Variants in CCDC144A observed in about 807,000 individuals in gnomAD.
CCDC144A encodes the protein coiled-coil domain-containing protein 144A.
A neutral mutation model predicts 143.8 loss-of-function variants in CCDC144A; 41 were observed. That is an observed-to-expected ratio of 0.29 (90% CI 0.22 to 0.37). The LOEUF is 0.37. Ranked by LOEUF, CCDC144A falls within the 10% of genes least tolerant of loss-of-function variation. The pLI, the probability that CCDC144A is intolerant of heterozygous loss-of-function variation, is 1.00. For missense variants in CCDC144A, 637 were observed against 1,488.8 expected (o/e 0.43, Z 9.41); for synonymous variants, 242 against 517.9 (o/e 0.47, Z 7.23).
intron 5 of CCDC144A, among the ~76,000 whole-genome samples, chr17:16,709,843 C>G (rs957420404): frequency 2.0e-5 from 3 of 152,214 alleles, no homozygotes; most frequent in Non-Finnish European, 2.9e-5. Flanking sequence ...GTCTCTCTGT[C>G]AGTCTTCCAA....
intron 14 of CCDC144A, among the ~76,000 whole-genome samples, chr17:16,763,506 ATATTTAAGG>A (rs1325690985): frequency 6.7e-6 from 1 of 149,086 alleles, no homozygotes; most frequent in Non-Finnish European, 1.5e-5. Flanking sequence ...TTTCTTGTAT[ATATTTAAGG>A]AGTACAACTT....
rs1164881906 is a variant in CCDC144A, at chr17:16,777,064, T to TA, written c.*3432dup. The stretch of plus-strand genomic sequence containing the variant: ...AAAAGCGAGCAGGAGTAGCTGTTCT[T>TA]ATATCAGACAAAACGGACTTTAAGA... On this transcript the variant is annotated 3_prime_UTR_variant, in exon 17 of 17. Coordinates refer to ENST00000399273, the MANE Select transcript of CCDC144A (RefSeq NM_001382000.1). 7.1e-6 allele frequency: 1 copy of TA among 140,264 alleles called. No individual in the cohort carries two copies. The highest frequency in any genetic ancestry group is 1.5e-5 in the Non-Finnish European group (1 of 65,734). The allele number at this position is 140,264 out of a possible 1,614,324, so 8.7% of individuals were successfully genotyped here.
At chr17:16,715,747 C>T (rs1275402442) in intron 6 of CCDC144A, among the ~76,000 whole-genome samples, 1 of 152,146 alleles carries the variant, frequency 6.6e-6, no homozygotes, top group Non-Finnish European at 1.5e-5. Context: ...CATAGGGTTG[C>T]GGGAGGAGCG....
At chr17:16,710,635 T>C (rs1912351948) in intron 5 of CCDC144A, among the ~76,000 whole-genome samples, 1 of 152,100 alleles carries the variant, frequency 6.6e-6, no homozygotes, top group African/African-American at 2.4e-5. Flanking sequence ...CAGTAAGTTT[T>C]GGCATATATA....
chr17:16,696,989 C>T (rs976385510), intron 2 of CCDC144A, among the ~76,000 whole-genome samples: 1 of 151,606 alleles, frequency 6.6e-6, no homozygotes, highest in African/African-American at 2.4e-5. Flanking sequence ...CTGGGTCCTA[C>T]CACATGCTCA....
At chr17:16,761,978 G>A (rs2649376) in intron 13 of CCDC144A, among the ~76,000 whole-genome samples, 1 of 151,990 alleles carries the variant, frequency 6.6e-6, no homozygotes, top group Admixed American at 6.5e-5. Context: ...AGACTAATAG[G>A]GAAAGTAAAA....
At chr17:16,673,367 T>G in the CCDC144A span, among the ~76,000 whole-genome samples, 1 of 151,888 alleles carries the variant, frequency 6.6e-6, no homozygotes, top group Non-Finnish European at 1.5e-5. Context: ...ATTTAATACA[T>G]GTATCAAAAA....
At chr17:16,759,086 T>C (rs898153545) in intron 12 of CCDC144A, among the ~76,000 whole-genome samples, 1 of 152,180 alleles carries the variant, frequency 6.6e-6, no homozygotes, top group Non-Finnish European at 1.5e-5. Context: ...CCTTCAGACT[T>C]TCTCCTGGCA....
chr17:16,734,221 A>T, intron 11 of CCDC144A, among the ~76,000 whole-genome samples: 1 of 152,130 alleles, frequency 6.6e-6, no homozygotes, highest in Non-Finnish European at 1.5e-5. Flanking sequence ...AACTGATGAG[A>T]AAAATGTTAG....
chr17:16,749,126 T>C (rs1201726264), intron 12 of CCDC144A, among the ~76,000 whole-genome samples: 5 of 152,168 alleles, frequency 3.3e-5, no homozygotes, highest in African/African-American at 2.4e-5. Context: ...ATTTCTTTTC[T>C]GTTGCCAGCT....
chr17:16,725,835 A>T (rs1380763080), intron 8 of CCDC144A, among the ~76,000 whole-genome samples: 1 of 150,506 alleles, frequency 6.6e-6, no homozygotes, highest in African/African-American at 2.5e-5. Context: ...CCAGCCAGAT[A>T]CTTCTGGATT....
At chr17:16,697,063 T>C (rs1447600853) in intron 2 of CCDC144A, among the ~76,000 whole-genome samples, 2 of 152,038 alleles carry the variant, frequency 1.3e-5, no homozygotes, top group East Asian at 3.9e-4. Context: ...TAATCATTTC[T>C]TCTTTTGGAG....
chr17:16,750,933 C>A (rs2143316229), intron 12 of CCDC144A, among the ~76,000 whole-genome samples: 1 of 152,274 alleles, frequency 6.6e-6, no homozygotes, highest in Non-Finnish European at 1.5e-5. Context: ...GATGGTTATA[C>A]TGGCTTCCTT....
the CCDC144A span, chr17:16,683,874 T>C: frequency 1.5e-6 from 2 of 1,376,806 alleles, no homozygotes; most frequent in Admixed American, 3.4e-5. Flanking sequence ...GGAGACTTCG[T>C]CGTCGTCTAC....
At chr17:16,737,532 T>G (rs1342436626) in intron 12 of CCDC144A, 2 of 1,261,694 alleles carry the variant, frequency 1.6e-6, no homozygotes, top group Admixed American at 5.9e-5. Flanking sequence ...AAAAATACCT[T>G]CACAGGTAGT....
intron 12 of CCDC144A, chr17:16,745,611 G>A (rs1914460710): frequency 7.1e-6 from 11 of 1,555,172 alleles, no homozygotes; most frequent in Non-Finnish European, 8.7e-6. Context: ...CGTCCATGGA[G>A]GCCAGGTGCG....
chr17:16,717,702 T>C (rs991518810), intron 6 of CCDC144A, among the ~76,000 whole-genome samples: 6 of 152,228 alleles, frequency 3.9e-5, no homozygotes, highest in Admixed American at 3.3e-4. Context: ...GCAGGAAATA[T>C]ATATTTCTTT....
chr17:16,706,628 C>A (rs1287687885), intron 3 of CCDC144A: 1 of 148,830 alleles, frequency 6.7e-6, no homozygotes, highest in Non-Finnish European at 1.5e-5. Context: ...CGGGCAGGAT[C>A]TCTAGAAAAG....
intron 12 of CCDC144A, among the ~76,000 whole-genome samples, chr17:16,748,154 GT>G (rs1340005970): frequency 6.6e-6 from 1 of 152,162 alleles, no homozygotes; most frequent in Non-Finnish European, 1.5e-5. Context: ...ACATGCTGGG[GT>G]TACAAGCATG....
Sources: allele counts gnomAD v4.1 joint callset (sites outside exome capture counted in the v4.1 genomes callset), GRCh38; gene constraint gnomAD v4.1.1; transcripts MANE v1.5; gene names NCBI Gene and HGNC (gene_info 2026-07-23, HGNC 2026-07-21).